LPP: variants seen among roughly 807,000 people sequenced by gnomAD.
The protein encoded by LPP is lipoma-preferred partner.
In LPP, 38 loss-of-function variants were observed where a neutral mutation model predicts 60.4. The observed-to-expected ratio is 0.63, with a 90% CI of 0.49 to 0.83. LPP has a LOEUF of 0.83. Among genes scored for constraint, LPP ranks in the 40% least tolerant of loss-of-function variants. LPP has a pLI of 0.00. For synonymous variants in LPP, 328 were observed against 290.8 expected, an observed-to-expected ratio of 1.13 and a Z score of -1.30; for missense variants, 902 against 783.6, an observed-to-expected ratio of 1.15 and a Z score of -1.80.
At chr3:188,323,251 G>T (rs1757457799) in intron 2 of LPP, among the ~76,000 whole-genome samples, 2 of 152,338 alleles carry the variant, frequency 1.3e-5, no homozygotes, top group South Asian at 4.1e-4. Flanking sequence ...CCCTTTGTCA[G>T]ATCAGTGGAG....
chr3:188,204,457 G>T (rs1352768711), intron 1 of LPP, among the ~76,000 whole-genome samples: 1 of 152,236 alleles, frequency 6.6e-6, no homozygotes, highest in South Asian at 2.1e-4. Flanking sequence ...GAGTAGCGGG[G>T]GGTGATTCTC....
At chr3:188,701,120 C>T (rs1322755961) in intron 7 of LPP, among the ~76,000 whole-genome samples, 1 of 152,138 alleles carries the variant, frequency 6.6e-6, no homozygotes, top group Non-Finnish European at 1.5e-5. Flanking sequence ...ATGAATATGA[C>T]AGATACTGTT....
chr3:188,173,278 A>G (rs1263625143), intron 1 of LPP, among the ~76,000 whole-genome samples: 1 of 152,202 alleles, frequency 6.6e-6, no homozygotes, highest in African/African-American at 2.4e-5. Flanking sequence ...AGGCAGGCAG[A>G]TCACCTGAGG....
chr3:188,760,945 C>A (rs1401926047), intron 9 of LPP, among the ~76,000 whole-genome samples: 1 of 152,078 alleles, frequency 6.6e-6, no homozygotes, highest in Non-Finnish European at 1.5e-5. Context: ...CTAAAAAATT[C>A]TCAGTCATGT....
intron 2 of LPP, among the ~76,000 whole-genome samples, chr3:188,300,162 G>A (rs1749288324): frequency 6.6e-6 from 1 of 151,896 alleles, no homozygotes; most frequent in East Asian, 1.9e-4. Context: ...AAACATTTGG[G>A]TAATCTGTTC....
At chr3:188,802,115 ATC>A (rs1747455682) in intron 9 of LPP, among the ~76,000 whole-genome samples, 1 of 152,312 alleles carries the variant, frequency 6.6e-6, no homozygotes, top group South Asian at 2.1e-4. Flanking sequence ...TATGTTTTCA[ATC>A]TCTCTGAAAT....
chr3:188,672,603 T>C (rs1857164961), intron 7 of LPP, among the ~76,000 whole-genome samples: 1 of 152,200 alleles, frequency 6.6e-6, no homozygotes, highest in African/African-American at 2.4e-5. Context: ...TATTTGCTGC[T>C]ACCAGCTTGC....
intron 2 of LPP, among the ~76,000 whole-genome samples, chr3:188,269,645 A>ATACG (rs748506984): frequency 2.9e-5 from 4 of 136,516 alleles, no homozygotes; most frequent in African/African-American, 1.1e-4. Flanking sequence ...CTTTTTTTTT[A>ATACG]TGTGTGTGTG....
At position 188,423,129 on chromosome 3, in the gene LPP, G is replaced by A. The variant is rs374652500; in HGVS notation, c.193+16816G>A. On this transcript the variant is annotated intron_variant, in intron 4 of 11. Transcript: ENST00000617246. ...CCCACCCCCTGACAGGACATAGTGT[G>A]TGATGTACCCCTCCCTGTGTCCATG... Among the ~76,000 whole-genome samples the A allele has an allele frequency of 1.3e-3, 190 of 151,972 alleles. 4 individuals carry two copies. The South Asian group carries it at 0.018, about 15-fold the overall frequency.
intron 3 of LPP, among the ~76,000 whole-genome samples, chr3:188,354,809 A>G (rs535602639): frequency 8.6e-5 from 10 of 116,840 alleles, no homozygotes; most frequent in Admixed American, 2.0e-4. Flanking sequence ...GAACACACAC[A>G]CGCGCGTGCG....
At chr3:188,296,631 TC>T (rs1320695753) in intron 2 of LPP, among the ~76,000 whole-genome samples, 1 of 152,098 alleles carries the variant, frequency 6.6e-6, no homozygotes, top group Non-Finnish European at 1.5e-5. Context: ...AATAATGGAG[TC>T]ACACAGAGGC....
intron 4 of LPP, among the ~76,000 whole-genome samples, chr3:188,482,579 C>A (rs1047518923): frequency 6.7e-6 from 1 of 149,698 alleles, no homozygotes; most frequent in Admixed American, 6.7e-5. Context: ...CACTCCCTGT[C>A]TTCTATCCCC....
chr3:188,799,031 C>G (rs1030844635), intron 9 of LPP, among the ~76,000 whole-genome samples: 1 of 152,236 alleles, frequency 6.6e-6, no homozygotes, highest in African/African-American at 2.4e-5. Flanking sequence ...CTTCTTTCCT[C>G]TTCAGTGTGA....
chr3:188,170,913 G>A (rs1721413616), intron 1 of LPP, among the ~76,000 whole-genome samples: 1 of 152,142 alleles, frequency 6.6e-6, no homozygotes, highest in African/African-American at 2.4e-5. Context: ...TGCTAGATGA[G>A]GTAGAGGATA....
intron 3 of LPP, among the ~76,000 whole-genome samples, chr3:188,372,972 C>T (rs965968478): frequency 3.3e-5 from 5 of 151,856 alleles, no homozygotes; most frequent in South Asian, 4.2e-4. Flanking sequence ...GTTTTTTGTC[C>T]TTGAGATAGT....
intron 1 of LPP, among the ~76,000 whole-genome samples, chr3:188,214,217 G>A (rs1475103179): frequency 6.6e-6 from 1 of 151,592 alleles, no homozygotes; most frequent in Non-Finnish European, 1.5e-5. Flanking sequence ...TGCAACCTCC[G>A]CCTCCTGGGT....
chr3:188,559,585 C>T (rs932738685), intron 6 of LPP, among the ~76,000 whole-genome samples: 21 of 151,870 alleles, frequency 1.4e-4, no homozygotes, highest in Admixed American at 5.9e-4. Context: ...CTTGTATTTC[C>T]GTGTTCGTAG....
chr3:188,493,008 TCTATTTA>T (rs1808854899), intron 5 of LPP, among the ~76,000 whole-genome samples: 1 of 152,244 alleles, frequency 6.6e-6, no homozygotes, highest in South Asian at 2.1e-4. Context: ...TGTGCTATTT[TCTATTTA>T]CTATCTTTTT....
intron 9 of LPP, among the ~76,000 whole-genome samples, chr3:188,808,220 C>T (rs1749757100): frequency 6.6e-6 from 1 of 152,132 alleles, no homozygotes; most frequent in Middle Eastern, 3.4e-3. Flanking sequence ...CTTTTTGTGC[C>T]TGTACCACAG....
Sources: allele counts gnomAD v4.1 joint callset (sites outside exome capture counted in the v4.1 genomes callset), GRCh38; gene constraint gnomAD v4.1.1; transcripts MANE v1.5; gene names NCBI Gene and HGNC (gene_info 2026-07-23, HGNC 2026-07-21).